Variants in TYRP1 observed in about 807,000 individuals in gnomAD.
TYRP1 encodes tyrosinase related protein 1, also known as 5,6-dihydroxyindole-2-carboxylic acid oxidase.
A neutral mutation model predicts 42.8 loss-of-function variants in TYRP1; 49 were observed. That is an observed-to-expected ratio of 1.14 (90% CI 0.91 to 1.45). The LOEUF (loss-of-function observed/expected upper bound fraction) is 1.45. Ranked by LOEUF, TYRP1 falls within the 40% of genes most tolerant of loss-of-function variation. TYRP1 has a pLI of 0.00. For synonymous variants in TYRP1, 279 were observed against 235.4 expected, an observed-to-expected ratio of 1.19 and a Z score of -1.69; for missense variants, 848 against 662.0, an observed-to-expected ratio of 1.28 and a Z score of -3.08.
In TYRP1 at chr9:12,709,819, T is replaced by TG. The variant is rs779352812; in HGVS notation, c.*637_*638insG. The stretch of plus-strand genomic sequence containing the variant: ...TTTGTCAAACTTTGGAGAGGGAAAA[T>TG]CTTCACTTTCTTAAGCAACAATGGA... On this transcript the variant is annotated 3_prime_UTR_variant, in exon 8 of 8. Transcript: ENST00000388918. 2.8e-4 allele frequency: 43 copies of TG among 153,124 alleles called. 1 individual carries two copies. The highest frequency in any genetic ancestry group is 5.7e-4 in the Non-Finnish European group (39 of 68,754). The allele number at this position is 153,124 out of a possible 1,614,324, so 9.5% of individuals were successfully genotyped here.
At chr9:12,696,853 G>C (rs185715579) in intron 3 of TYRP1, among the ~76,000 whole-genome samples, 578 of 152,182 alleles carry the variant, frequency 3.8e-3, no homozygotes, top group Admixed American at 9.8e-3. Flanking sequence ...TTCAAGTTAA[G>C]ATATAAAAAT....
At chr9:12,697,494 T>C (rs764163279) in intron 3 of TYRP1, among the ~76,000 whole-genome samples, 17 of 152,224 alleles carry the variant, frequency 1.1e-4, no homozygotes, top group Non-Finnish European at 2.2e-4. Context: ...TGGAAAGCTT[T>C]TGGCTCTCTA....
Position 12,698,640 on chromosome 9 carries a change from G to A in TYRP1, c.898G>A (p.Gly300Arg). Reference protein sequence around the residue: ...CDSLEDYDTLGTLCNSTEDGP... With the variant: ...CDSLEDYDTLRTLCNSTEDGP... Reference sequence around the variant, plus strand: ...CTCCTTGGAAGATTATGATACCCTGGGAACACTTTGTAACAGTAAGTTCCA... The same window carrying A: ...CTCCTTGGAAGATTATGATACCCTGAGAACACTTTGTAACAGTAAGTTCCA... Residue 300 changes from glycine to arginine, a missense_variant, in exon 4 of 8, where the codon GGA (glycine) becomes AGA (arginine). Physicochemically the swap from Gly to Arg is moderately radical, Grantham distance 125 (BLOSUM62 -2). Transcript: ENST00000388918. 1.2e-6 allele frequency: 2 copies of A among 1,613,498 alleles called. No homozygotes were observed. Among genetic ancestry groups the A allele is most frequent in the African/African-American group, 2.7e-5 (2 of 74,980 alleles).
chr9:12,693,879 T>G, intron 1 of TYRP1, 33 bp from the exon 2 acceptor site: 1 of 1,437,356 alleles, frequency 7.0e-7, no homozygotes, highest in South Asian at 1.2e-5. Flanking sequence ...CAAGAAAAAC[T>G]TGCATAATCT....
rs907934167 is a variant in TYRP1 at position 12,694,266 on chromosome 9, G to T, written c.270G>T (p.Trp90Cys). ...ATGGCAGAGATGATCGGGAGGTCTG[G>T]CCCTTGCGCTTCTTCAATAGGACAT... ...PHDGRDDREV[W>C]PLRFFNRTCH... is the part of the protein sequence containing the mutation. Residue 90 changes from tryptophan (W) to cysteine (C), a missense_variant, in exon 2 of 8, where the codon TGG (tryptophan) becomes TGT (cysteine). By Grantham distance (215) the Trp-to-Cys change is radical. Coordinates refer to ENST00000388918, the MANE Select transcript of TYRP1 (RefSeq NM_000550.3). 3 of 1,613,824 alleles carry T rather than the reference G, an allele frequency of 1.9e-6. No homozygotes were observed. Among genetic ancestry groups the T allele is most frequent in the Non-Finnish European group, 1.7e-6 (2 of 1,179,932 alleles).
In TYRP1 at chr9:12,695,441, A is replaced by G. The variant is rs559233520; in HGVS notation, c.386-74A>G. ...GGATAAATGGGTCGTGGTGTGTTACAAGATGATTATGCTCTTTCTCTACCC... is the reference window on the plus strand; with the variant it reads ...GGATAAATGGGTCGTGGTGTGTTACGAGATGATTATGCTCTTTCTCTACCC... On this transcript the variant is annotated intron_variant, in intron 2 of 7. Coordinates refer to ENST00000388918, the MANE Select transcript of TYRP1 (RefSeq NM_000550.3). 5.7e-4 allele frequency: 786 copies of G among 1,369,350 alleles called. 5 individuals carry two copies. In the Middle Eastern group the frequency reaches 8.8e-3, roughly 15 times the overall value. 84.8% of individuals were successfully genotyped at this position (1,369,350 alleles called of 1,614,324 possible).
chr9:12,702,198 T>C, intron 4 of TYRP1, 73 bp from the exon 5 acceptor site: 1 of 1,512,920 alleles, frequency 6.6e-7, no homozygotes, highest in Non-Finnish European at 9.2e-7. Flanking sequence ...ATGCTATGTA[T>C]AAAGTTTTAA....
At chr9:12,695,397 A>G in intron 2 of TYRP1, 118 bp from the exon 3 acceptor site, 1 of 917,720 alleles carries the variant, frequency 1.1e-6, no homozygotes, top group Non-Finnish European at 1.7e-6. Flanking sequence ...AAAATAATTT[A>G]AAACACATTT....
In TYRP1 at chr9:12,708,153, G is replaced by A. The variant is rs748825367; in HGVS notation, c.1408+10G>A. The A allele has an allele frequency of 7.4e-6, 12 of 1,612,162 alleles. No individual in the cohort carries two copies. Among genetic ancestry groups the A allele is most frequent in the Non-Finnish European group, 8.5e-6 (10 of 1,178,972 alleles). ...GAAATTCAATGGCCAAGTGAGTGTT[G>A]AAAGTGTATTTTTACTGTGATAATT... On this transcript the variant is annotated intron_variant, in intron 7 of 7. Transcript: ENST00000388918.
Position 12,709,813 on chromosome 9 carries a change from G to T in TYRP1, c.*631G>T. 6.5e-6 allele frequency: 1 copy of T among 152,902 alleles called. No homozygotes were observed. The allele number at this position is 152,902 out of a possible 1,614,324, so 9.5% of individuals were successfully genotyped here. On this transcript the variant is annotated 3_prime_UTR_variant, in exon 8 of 8. Transcript: ENST00000388918. The stretch of plus-strand genomic sequence containing the variant: ...ACCATCTTTGTCAAACTTTGGAGAG[G>T]GAAAATCTTCACTTTCTTAAGCAAC...
Position 12,709,723 on chromosome 9 carries a change from A to AATC in TYRP1, c.*543_*545dup, listed in dbSNP as rs1171737852. The stretch of plus-strand genomic sequence containing the variant: ...AAATTAATGTTCCAGTTTGAAGACC[A>AATC]ATCAAATATATTATTTAGTCAACAT... On this transcript the variant is annotated 3_prime_UTR_variant, in exon 8 of 8. Coordinates refer to ENST00000388918, the MANE Select transcript of TYRP1 (RefSeq NM_000550.3). 6.2e-6 allele frequency: 1 copy of AATC among 161,700 alleles called. No homozygotes were observed. The highest frequency in any genetic ancestry group is 1.4e-5 in the Non-Finnish European group (1 of 73,222). 10.0% of individuals were successfully genotyped at this position (161,700 alleles called of 1,614,324 possible).
rs554155326 is a variant in TYRP1 at position 12,701,280 on chromosome 9, G to A, written c.914-991G>A. Among the ~76,000 whole-genome samples, 3 of 151,590 alleles carry A rather than the reference G, an allele frequency of 2.0e-5. No individual in the cohort carries two copies. In the East Asian group the frequency reaches 5.9e-4, roughly 30 times the overall value. ...CTTTCCTACAGTCCACTACTATCCT[G>A]GCACATACTCCAGGCAAACTATTTC... is the stretch of plus-strand genomic sequence containing the variant. On this transcript the variant is annotated intron_variant, in intron 4 of 7. Transcript: ENST00000388918.
At chr9:12,703,835 C>A (rs535549855) in intron 5 of TYRP1, among the ~76,000 whole-genome samples, 3 of 150,856 alleles carry the variant, frequency 2.0e-5, no homozygotes, top group African/African-American at 7.3e-5. Context: ...TATGACCTGT[C>A]TTATACCAAT....
chr9:12,705,767 A>G (rs1310722030), intron 6 of TYRP1, among the ~76,000 whole-genome samples: 3 of 151,874 alleles, frequency 2.0e-5, no homozygotes, highest in African/African-American at 7.3e-5. Flanking sequence ...GAATCACTTG[A>G]CCCTAGGAGG....
chr9:12,697,935 C>T (rs1818103302), intron 3 of TYRP1, among the ~76,000 whole-genome samples: 1 of 152,084 alleles, frequency 6.6e-6, no homozygotes, highest in South Asian at 2.1e-4. Context: ...TGGCCTGTTG[C>T]CAAACCAGAA....
At position 12,709,207 on chromosome 9, in the gene TYRP1, T is replaced by C; in HGVS notation, c.*25T>C. ...ACAAATGCCCTACTCTCTTATGCAT[T>C]AGTATCACAAAACCACCTGGTTGAA... On this transcript the variant is annotated 3_prime_UTR_variant, in exon 8 of 8. Transcript: ENST00000388918. The C allele has an allele frequency of 6.2e-7, 1 of 1,604,530 alleles. No homozygotes were observed. The highest frequency in any genetic ancestry group is 8.5e-7 in the Non-Finnish European group (1 of 1,172,036).
chr9:12,694,058 A>G lies in TYRP1; in HGVS notation c.62A>G (p.Gln21Arg), dbSNP rs1439011690. The G allele has an allele frequency of 1.2e-6, 2 of 1,613,952 alleles. No homozygotes were observed. Among genetic ancestry groups the G allele is most frequent in the South Asian group, 1.1e-5 (1 of 91,058 alleles). ...CIFFPLLLFQ[Q>R]ARAQFPRQCA... ...TTCTTCCCCTTGCTACTTTTTCAGC[A>G]GGCCCGGGCTCAATTCCCAAGACAG... is the stretch of plus-strand genomic sequence containing the variant. The change falls in exon 2 of 8, where the codon CAG becomes CGG. Residue 21 changes from glutamine (Q) to arginine (R), a missense_variant. Gln to Arg is a conservative substitution (Grantham distance 43). Coordinates refer to ENST00000388918, the MANE Select transcript of TYRP1 (RefSeq NM_000550.3).
At chr9:12,704,108 C>T (rs1434199124) in intron 5 of TYRP1, among the ~76,000 whole-genome samples, 1 of 151,926 alleles carries the variant, frequency 6.6e-6, no homozygotes, top group Non-Finnish European at 1.5e-5. Flanking sequence ...AGGTAGGAGG[C>T]TGAAGTAACA....
At chr9:12,696,523 GA>G (rs1365894391) in intron 3 of TYRP1, among the ~76,000 whole-genome samples, 2 of 151,710 alleles carry the variant, frequency 1.3e-5, no homozygotes, top group Admixed American at 1.3e-4. Context: ...TGTAAAATTT[GA>G]AAAAAAGTTG....
Sources: gnomAD v4.1 joint callset for allele counts (sites outside exome capture counted in the v4.1 genomes callset) on GRCh38, gnomAD v4.1.1 for gene constraint, MANE v1.5 for transcripts, NCBI Gene and HGNC (gene_info 2026-07-23, HGNC 2026-07-21) for gene names.